PVT1: variants seen among roughly 807,000 people sequenced by gnomAD.
PVT1 encodes the protein CXCR4/PVT1 fusion.
intron 3 of PVT1, among the ~76,000 whole-genome samples, chr8:127,951,314 G>A (rs1278718654): frequency 6.6e-6 from 1 of 152,160 alleles, no homozygotes; most frequent in African/African-American, 2.4e-5. Context: ...CAATATTCCT[G>A]AGGCAAAGCT....
intron 2 of PVT1, among the ~76,000 whole-genome samples, chr8:127,846,047 G>A (rs551399322): frequency 3.3e-5 from 5 of 151,360 alleles, no homozygotes; most frequent in Admixed American, 1.3e-4. Context: ...AGATACCCAT[G>A]AGAATCACTC....
At chr8:128,056,611 G>A (rs1456747717) in intron 4 of PVT1, among the ~76,000 whole-genome samples, 2 of 152,082 alleles carry the variant, frequency 1.3e-5, no homozygotes, top group East Asian at 1.9e-4. Context: ...GTTGAACTGG[G>A]ACCTCCCGAG....
chr8:127,925,401 C>T (rs1337123580), intron 3 of PVT1, among the ~76,000 whole-genome samples: 1 of 152,156 alleles, frequency 6.6e-6, no homozygotes, highest in East Asian at 1.9e-4. Flanking sequence ...TAAGGCCAAA[C>T]TCAACTTCAC....
intron 2 of PVT1, among the ~76,000 whole-genome samples, chr8:127,799,121 G>A (rs1275611186): frequency 6.6e-6 from 1 of 151,454 alleles, no homozygotes; most frequent in African/African-American, 2.4e-5. Context: ...TTGTGTGTGT[G>A]TGGAGTTAGG....
chr8:128,080,397 G>C (rs775135128), intron 5 of PVT1, among the ~76,000 whole-genome samples: 3 of 152,156 alleles, frequency 2.0e-5, no homozygotes, highest in African/African-American at 7.2e-5. Context: ...ACCAGAATTT[G>C]GTATTCATGT....
At chr8:128,028,869 G>T (rs747688314) in intron 4 of PVT1, among the ~76,000 whole-genome samples, 2 of 151,880 alleles carry the variant, frequency 1.3e-5, no homozygotes, top group Non-Finnish European at 2.9e-5. Flanking sequence ...TGGGGACAGG[G>T]TCTTGCTCTG....
chr8:128,096,167 A>G (rs770239824), intron 5 of PVT1, among the ~76,000 whole-genome samples: 4 of 152,250 alleles, frequency 2.6e-5, no homozygotes, highest in Non-Finnish European at 5.9e-5. Context: ...TTTGTGGGGC[A>G]CAGGATACAT....
intron 2 of PVT1, among the ~76,000 whole-genome samples, chr8:127,831,767 A>T (rs896950064): frequency 2.6e-4 from 40 of 152,350 alleles, no homozygotes; most frequent in African/African-American, 8.2e-4. Flanking sequence ...TGAGTCACAC[A>T]GAAGTGACTG....
intron 5 of PVT1, among the ~76,000 whole-genome samples, chr8:128,094,014 A>G (rs1234107744): frequency 6.6e-6 from 1 of 152,202 alleles, no homozygotes; most frequent in Non-Finnish European, 1.5e-5. Flanking sequence ...TGAGGCTGTC[A>G]AAATGGATAG....
At chr8:127,812,733 G>T (rs1054945832) in intron 2 of PVT1, among the ~76,000 whole-genome samples, 1 of 149,898 alleles carries the variant, frequency 6.7e-6, no homozygotes, top group East Asian at 2.0e-4. Flanking sequence ...AAGAAGGAAG[G>T]AAAAAACCGG....
At chr8:127,977,900 G>T (rs1007186933) in intron 3 of PVT1, among the ~76,000 whole-genome samples, 3 of 152,162 alleles carry the variant, frequency 2.0e-5, no homozygotes, top group Non-Finnish European at 4.4e-5. Flanking sequence ...CTGGTTGCAG[G>T]CATGTTCTCA....
chr8:127,818,422 G>A (rs895858996), intron 2 of PVT1, among the ~76,000 whole-genome samples: 1 of 152,160 alleles, frequency 6.6e-6, no homozygotes, highest in Non-Finnish European at 1.5e-5. Context: ...GGCCCAGATT[G>A]TAAGAAGGGA....
At chr8:127,823,053 G>A (rs963304970) in intron 2 of PVT1, among the ~76,000 whole-genome samples, 1 of 152,350 alleles carries the variant, frequency 6.6e-6, no homozygotes, top group Middle Eastern at 3.4e-3. Context: ...TATTTCCAAA[G>A]CTCAAGTAGT....
At chr8:128,017,580 T>C (rs1267356411) in intron 4 of PVT1, among the ~76,000 whole-genome samples, 1 of 151,422 alleles carries the variant, frequency 6.6e-6, no homozygotes, top group Non-Finnish European at 1.5e-5. Context: ...TATAAGTGCA[T>C]GCCACCAAGC....
At chr8:127,823,325 A>G (rs922085954) in intron 2 of PVT1, among the ~76,000 whole-genome samples, 2 of 152,238 alleles carry the variant, frequency 1.3e-5, no homozygotes, top group African/African-American at 4.8e-5. Flanking sequence ...ACCATATCAA[A>G]GAGAAGGATA....
intron 2 of PVT1, chr8:127,803,190 G>GC (rs1554587914): frequency 1.4e-5 from 2 of 145,898 alleles, no homozygotes; most frequent in Non-Finnish European, 3.0e-5. Context: ...GTGCAGTGGC[G>GC]AGATCTCGGC....
chr8:127,953,023 G>C (rs56223526), intron 3 of PVT1, among the ~76,000 whole-genome samples: 40,644 of 151,960 alleles, frequency 0.27, 6,379 homozygotes, highest in Non-Finnish European at 0.34. Flanking sequence ...CTTGGCCTCC[G>C]AAAGTGCTGG....
At chr8:127,984,905 CTTTCTT>C (rs1816938983) in intron 3 of PVT1, among the ~76,000 whole-genome samples, 1 of 96,206 alleles carries the variant, frequency 1.0e-5, no homozygotes, top group Admixed American at 1.3e-4. Context: ...TTCTTTCTTT[CTTTCTT>C]TCTTTCTTTC....
At chr8:127,927,698 A>T (rs1341896677) in intron 3 of PVT1, among the ~76,000 whole-genome samples, 1 of 152,138 alleles carries the variant, frequency 6.6e-6, no homozygotes, top group African/African-American at 2.4e-5. Flanking sequence ...TAGCTGGGTG[A>T]CTTTAGGCAA....
Sources: gnomAD v4.1 joint callset for allele counts (sites outside exome capture counted in the v4.1 genomes callset) on GRCh38, gnomAD v4.1.1 for gene constraint, MANE v1.5 for transcripts, NCBI Gene and HGNC (gene_info 2026-07-23, HGNC 2026-07-21) for gene names.